Variants in KRT18 observed in about 807,000 individuals in gnomAD.
KRT18 encodes the protein keratin 18.
Under a neutral mutation model 39.9 loss-of-function variants are expected in KRT18, and 8 were observed. The ratio of observed to expected loss-of-function variants is 0.20; its 90% CI spans 0.12 to 0.36. The LOEUF is 0.36. Ranked by LOEUF, KRT18 falls within the 10% of genes least tolerant of loss-of-function variation. KRT18 has a pLI of 1.00. For missense variants in KRT18, 396 were observed against 565.7 expected (o/e 0.70, Z 3.04); for synonymous variants, 194 against 227.8 (o/e 0.85, Z 1.33).
intron 6 of KRT18, 31 bp from the exon 7 acceptor site, chr12:52,952,690 GT>G (rs1422658945): frequency 6.2e-7 from 1 of 1,611,826 alleles, no homozygotes; most frequent in African/African-American, 1.3e-5. Flanking sequence ...CCACGGGGCT[GT>G]TTATAACTTG....
Position 52,950,912 on chromosome 12 carries a change from C to T in KRT18, c.657+6C>T, listed in dbSNP as rs1217609833. ...TGAAGAAGAACCACGAAGAGGCAAG[C>T]AGGGGCCACTGGCCAGGCCAGGGAT... On this transcript the variant is annotated splice_donor_region_variant and intron_variant, in intron 3 of 6. Coordinates refer to ENST00000388835, the MANE Select transcript of KRT18 (RefSeq NM_000224.3). 2 of 1,567,112 alleles carry T rather than the reference C, an allele frequency of 1.3e-6. No homozygotes were observed. Among genetic ancestry groups the T allele is most frequent in the East Asian group, 4.6e-5 (2 of 43,558 alleles).
At chr12:52,948,939 G>A (rs1224024965), upstream of KRT18, 2 of 436,762 alleles carry the variant, frequency 4.6e-6, no homozygotes, top group Non-Finnish European at 3.9e-6. Context: ...TTTCTGGGGG[G>A]TGAGCGGGGC....
rs758566910 is a variant in KRT18, at chr12:52,949,126, C to G, written c.-48C>G. On this transcript the variant is annotated 5_prime_UTR_variant, in exon 1 of 7. Coordinates refer to ENST00000388835, the MANE Select transcript of KRT18 (RefSeq NM_000224.3). ...TCGCGCGGCTCGCGCAGGCCGCCAC[C>G]GTCGTCCGCAAAGCCTGAGTCCTGT... The G allele has an allele frequency of 4.5e-6, 6 of 1,344,688 alleles. No individual in the cohort carries two copies. The highest frequency in any genetic ancestry group is 3.1e-5 in the East Asian group (1 of 32,722). The allele number at this position is 1,344,688 out of a possible 1,614,324, so 83.3% of individuals were successfully genotyped here.
chr12:52,949,080 C>A, upstream of KRT18: 1 of 1,223,650 alleles, frequency 8.2e-7, no homozygotes, highest in Non-Finnish European at 1.2e-6. Flanking sequence ...GGCGGGGCCT[C>A]ACTCTGCGAT....
chr12:52,952,563 C>A, intron 6 of KRT18, 159 bp from the exon 7 acceptor site: 1 of 863,864 alleles, frequency 1.2e-6, no homozygotes, highest in Non-Finnish European at 2.0e-6. Flanking sequence ...ACTTAGTATG[C>A]AAATGAAGTT....
chr12:52,949,109 C>T, upstream of KRT18: 1 of 1,367,036 alleles, frequency 7.3e-7, no homozygotes, highest in Non-Finnish European at 9.9e-7. Context: ...GGTCGCGCGG[C>T]TCGCGCAGGC....
At position 52,952,831 on chromosome 12, in the gene KRT18, C is replaced by A. The variant is rs709170; in HGVS notation, c.1282C>A (p.Leu428Met). Residue 428 changes from leucine to methionine, a missense_variant, in exon 7 of 7, where the codon CTG becomes ATG. Coordinates refer to ENST00000388835, the MANE Select transcript of KRT18 (RefSeq NM_000224.3). Reference sequence around the variant, plus strand: ...GTCTGAGACCAATGACACCAAAGTTCTGAGGCATTAAGCCAGCAGAAGCAG... The same window carrying A: ...GTCTGAGACCAATGACACCAAAGTTATGAGGCATTAAGCCAGCAGAAGCAG... Reference protein sequence around the residue: ...VVSETNDTKVLRH With the variant: ...VVSETNDTKVMRH The A allele has an allele frequency of 6.8e-6, 11 of 1,609,358 alleles. No individual in the cohort carries two copies. The highest frequency in any genetic ancestry group is 9.3e-6 in the Non-Finnish European group (11 of 1,179,862).
In KRT18 at chr12:52,950,733, C is replaced by T. The variant is rs201927937; in HGVS notation, c.501-17C>T. On this transcript the variant is annotated splice_polypyrimidine_tract_variant and intron_variant, in intron 2 of 6. Coordinates refer to ENST00000388835, the MANE Select transcript of KRT18 (RefSeq NM_000224.3). ...GATCAGAGATAGGGGCCCCTCTGAT[C>T]ACCTCCACTCCTATAGGTATGAGAC... The T allele has an allele frequency of 1.9e-5, 30 of 1,607,376 alleles. No individual in the cohort carries two copies. The Admixed American group carries it at 3.4e-4, about 18-fold the overall frequency.
rs146951481 is a variant in KRT18 at position 52,951,008 on chromosome 12, G to A, written c.657+102G>A. 546 of 1,131,474 alleles carry A rather than the reference G, an allele frequency of 4.8e-4. 7 individuals carry two copies. The Admixed American group carries it at 0.011, about 23-fold the overall frequency. 70.1% of individuals were successfully genotyped at this position (1,131,474 alleles called of 1,614,324 possible). ...CAACTGCAAGTAGCCTTGCTAAGAC[G>A]TTTAGAAATAGCAGCCTGGGCTCTT... On this transcript the variant is annotated intron_variant, in intron 3 of 6. Transcript: ENST00000388835.
chr12:52,949,669 C>G (rs773627638), intron 1 of KRT18, 79 bp downstream of exon 1: 8 of 1,251,662 alleles, frequency 6.4e-6, no homozygotes, highest in Middle Eastern at 1.8e-4. Context: ...TTCCGTCATT[C>G]CATAACCACC....
At position 52,950,361 on chromosome 12, in the gene KRT18, G is replaced by A. The variant is rs1252659630; in HGVS notation, c.451G>A (p.Val151Ile). ...AAATACTGTGGACAATGCCCGCATC[G>A]TTCTGCAGATTGACAATGCCCGTCT... is the stretch of plus-strand genomic sequence containing the variant. ...FANTVDNARI[V>I]LQIDNARLAA... Residue 151 changes from valine to isoleucine, a missense_variant, in exon 2 of 7, where the codon GTT (valine) becomes ATT (isoleucine). By Grantham distance (29) the Val-to-Ile change is conservative. Transcript: ENST00000388835. 5.0e-6 allele frequency: 8 copies of A among 1,613,676 alleles called. No homozygotes were observed. The highest frequency in any genetic ancestry group is 2.2e-5 in the East Asian group (1 of 44,872).
intron 1 of KRT18, chr12:52,950,077 G>A: frequency 1.6e-6 from 1 of 629,500 alleles, no homozygotes; most frequent in Non-Finnish European, 2.8e-6. Flanking sequence ...ACTCACTTCT[G>A]GGCAGGCAGG....
rs1443796983 is a variant in KRT18, at chr12:52,952,762, A to G, written c.1213A>G (p.Ile405Val). ...GGACAGCAGCAACTCCATGCAAACC[A>G]TCCAAAAGACCACCACCCGCCGGAT... ...ALDSSNSMQT[I>V]QKTTTRRIVD... Residue 405 changes from isoleucine to valine, a missense_variant, in exon 7 of 7, where the codon ATC becomes GTC. Transcript: ENST00000388835. 2 of 1,613,398 alleles carry G rather than the reference A, an allele frequency of 1.2e-6. No homozygotes were observed. Among genetic ancestry groups the G allele is most frequent in the East Asian group, 2.2e-5 (1 of 44,890 alleles).
In KRT18 at chr12:52,949,372, A is replaced by T; in HGVS notation, c.199A>T (p.Ile67Leu). ...GMGSGGLATGIAGGLAGMGGI... is the reference protein window; with the variant it reads ...GMGSGGLATGLAGGLAGMGGI... ...GGGGTCCGGGGGCCTGGCCACCGGG[A>T]TAGCCGGGGGTCTGGCAGGAATGGG... The change falls in exon 1 of 7, where the codon ATA (isoleucine) becomes TTA (leucine). Residue 67 changes from isoleucine to leucine, a missense_variant. Transcript: ENST00000388835. 2 of 1,610,584 alleles carry T rather than the reference A, an allele frequency of 1.2e-6. No homozygotes were observed. Among genetic ancestry groups the T allele is most frequent in the Non-Finnish European group, 8.5e-7 (1 of 1,179,794 alleles).
upstream of KRT18, chr12:52,949,096 T>C (rs1592192338): frequency 7.5e-7 from 1 of 1,325,992 alleles, no homozygotes; most frequent in East Asian, 2.5e-5. Flanking sequence ...GCGATATAAC[T>C]CGGGTCGCGC....
Position 52,952,857 on chromosome 12 carries a change from G to C in KRT18, c.*15G>C. ...TGAGGCATTAAGCCAGCAGAAGCAG[G>C]GTACCCTTTGGGGAGCAGGAGGCCA... is the stretch of plus-strand genomic sequence containing the variant. On this transcript the variant is annotated 3_prime_UTR_variant, in exon 7 of 7. Transcript: ENST00000388835. 6.2e-7 allele frequency: 1 copy of C among 1,603,736 alleles called. No homozygotes were observed. The highest frequency in any genetic ancestry group is 8.5e-7 in the Non-Finnish European group (1 of 1,178,972).
In KRT18 at chr12:52,951,625, G is replaced by C. The variant is rs1942490053; in HGVS notation, c.802G>C (p.Asp268His). The part of the protein sequence containing the change: ...ELARKNREEL[D>H]KYWSQQIEES... ...GGCTCGGAAGAACCGAGAGGAGCTA[G>C]ACAAGTACTGGTCTCAGCAGGTGCG... The change falls in exon 4 of 7, where the codon GAC becomes CAC. Residue 268 changes from aspartate to histidine, a missense_variant. Coordinates refer to ENST00000388835, the MANE Select transcript of KRT18 (RefSeq NM_000224.3). The C allele has an allele frequency of 6.2e-7, 1 of 1,613,880 alleles. No homozygotes were observed. The highest frequency in any genetic ancestry group is 8.5e-7 in the Non-Finnish European group (1 of 1,180,042).
chr12:52,951,069 G>T (rs1310605727), intron 3 of KRT18, among the ~76,000 whole-genome samples, 163 bp downstream of exon 3: 4 of 152,164 alleles, frequency 2.6e-5, no homozygotes, highest in African/African-American at 4.8e-5. Flanking sequence ...AGCATTCTCA[G>T]GGGGTCGAGT....
intron 3 of KRT18, among the ~76,000 whole-genome samples, chr12:52,951,117 T>G (rs78876520): frequency 0.015 from 2,353 of 152,144 alleles, 69 homozygotes; most frequent in African/African-American, 0.052. Context: ...CAAAATGATA[T>G]GGGTTAGAAA....
Sources: allele counts gnomAD v4.1 joint callset (sites outside exome capture counted in the v4.1 genomes callset), GRCh38; gene constraint gnomAD v4.1.1; transcripts MANE v1.5; gene names NCBI Gene and HGNC (gene_info 2026-07-23, HGNC 2026-07-21).